The following LATS2 variants were observed in gnomAD, a reference collection of about 807,000 sequenced individuals.
The protein encoded by LATS2 is serine/threonine-protein kinase LATS2.
In LATS2, 24 loss-of-function variants were observed where a neutral mutation model predicts 76.0. The ratio of observed to expected loss-of-function variants is 0.32; its 90% CI spans 0.23 to 0.44. The LOEUF (loss-of-function observed/expected upper bound fraction) is 0.44, where lower values mean the gene tolerates loss of function less well. Among genes scored for constraint, LATS2 ranks in the 20% least tolerant of loss-of-function variants. LATS2 has a pLI of 1.00. For synonymous variants in LATS2, 692 were observed against 635.4 expected (o/e 1.09, Z -1.34); for missense variants, 1,286 against 1,481.2 (o/e 0.87, Z 2.16).
At chr13:20,981,346 T>C (rs1054102346) in intron 6 of LATS2, 120 bp downstream of exon 6, 2 of 908,714 alleles carry the variant, frequency 2.2e-6, no homozygotes, top group Non-Finnish European at 3.3e-6. Flanking sequence ...TTCAGGCTTC[T>C]ATGAGGACAA....
chr13:20,988,567 TGCTGGGC>T lies in LATS2; in HGVS notation c.1206_1212del (p.Pro403GlyfsTer28). Reference sequence around the variant, plus strand: ...TGGTGGCTGTTGAAGGAGTTGGTCCTGCTGGGCACTGGGCAGTCAGGCCGGAAGGCCA... The same window carrying T: ...TGGTGGCTGTTGAAGGAGTTGGTCCTACTGGGCAGTCAGGCCGGAAGGCCA... On this transcript the variant is annotated frameshift_variant, in exon 4 of 8. Transcript: ENST00000382592. LOFTEE classifies it high-confidence loss of function. 1 of 1,586,044 alleles carries T rather than the reference TGCTGGGC, an allele frequency of 6.3e-7. No individual in the cohort carries two copies.
In LATS2 at chr13:20,979,778, G is replaced by A. The variant is rs768066235; in HGVS notation, c.2685C>T (p.Asp895=). The A allele has an allele frequency of 9.3e-6, 15 of 1,609,286 alleles. No homozygotes were observed. The East Asian group carries it at 3.1e-4, about 34-fold the overall frequency. ...LLRKGYTQLC[D]WWSVGVILFE... is the part of the protein sequence containing the mutation. ...AGAGAATCACTCCAACACTCCACCA[G>A]TCACAGAGTTGAGTGTACCCTGCAA... is the stretch of plus-strand genomic sequence containing the variant. The change falls in exon 7 of 8, where the codon GAC becomes GAT. Residue 895 remains aspartate, a synonymous_variant. Transcript: ENST00000382592.
chr13:21,039,025 G>T (rs1179537447), intron 2 of LATS2, among the ~76,000 whole-genome samples: 1 of 152,140 alleles, frequency 6.6e-6, no homozygotes, highest in Non-Finnish European at 1.5e-5. Flanking sequence ...GGGGAGAGGG[G>T]ATTATGACAC....
intron 2 of LATS2, among the ~76,000 whole-genome samples, chr13:21,032,365 T>C (rs931350782): frequency 4.6e-5 from 7 of 152,148 alleles, no homozygotes; most frequent in African/African-American, 1.7e-4. Flanking sequence ...TCCCCCGGGT[T>C]CAAGCAATTC....
intron 1 of LATS2, among the ~76,000 whole-genome samples, chr13:21,051,582 G>A (rs1873276215): frequency 6.6e-6 from 1 of 152,200 alleles, no homozygotes; most frequent in South Asian, 2.1e-4. Context: ...TCTGAGCCAG[G>A]AAACCTCACC....
intron 2 of LATS2, among the ~76,000 whole-genome samples, chr13:21,031,485 T>C (rs1872528439): frequency 6.6e-6 from 1 of 152,216 alleles, no homozygotes; most frequent in South Asian, 2.1e-4. Flanking sequence ...ATGTAGCCAA[T>C]AAAAATTTTT....
chr13:20,984,279 AAAGTT>A lies in LATS2; in HGVS notation c.1900-478_1900-474del, dbSNP rs546857042. 1.3e-3 allele frequency among the ~76,000 whole-genome samples: 191 copies of A among 152,286 alleles called. 1 individual carries two copies. The Middle Eastern group carries it at 0.024, about 19-fold the overall frequency. On this transcript the variant is annotated intron_variant, in intron 4 of 7. Transcript: ENST00000382592. ...ATATATAGACATGAATATGGAATGA[AAAGTT>A]AAGATAAAAAAGAAAGTTCTTTCTC...
intron 1 of LATS2, among the ~76,000 whole-genome samples, chr13:21,058,373 C>T (rs1039923281): frequency 6.6e-6 from 1 of 152,232 alleles, no homozygotes; most frequent in Admixed American, 6.5e-5. Flanking sequence ...CCCCAGCTTC[C>T]CGAAATCCTT....
intron 2 of LATS2, among the ~76,000 whole-genome samples, chr13:20,997,168 G>T (rs186503267): frequency 1.3e-5 from 2 of 152,292 alleles, no homozygotes; most frequent in Non-Finnish European, 2.9e-5. Context: ...ACAAACTGAG[G>T]TTTCACTGGT....
intron 2 of LATS2, among the ~76,000 whole-genome samples, chr13:21,040,376 CAA>C (rs141897751): frequency 4.4e-4 from 48 of 108,606 alleles, no homozygotes; most frequent in Admixed American, 6.7e-4. Flanking sequence ...GACCTTGTCT[CAA>C]AAAAAAAAAA....
At position 20,991,171 on chromosome 13, in the gene LATS2, G is replaced by A; in HGVS notation, c.475+101C>T. The A allele has an allele frequency of 7.1e-7, 1 of 1,406,100 alleles. No homozygotes were observed. Among genetic ancestry groups the A allele is most frequent in the Non-Finnish European group, 9.9e-7 (1 of 1,013,168 alleles). The allele number at this position is 1,406,100 out of a possible 1,614,324, so 87.1% of individuals were successfully genotyped here. On this transcript the variant is annotated intron_variant, in intron 3 of 7. Transcript: ENST00000382592. This position sits in a 1 kb window ranked among gnomAD's most constrained non-coding sequence, Gnocchi z 4.9. ...AATGAGGCAATGTGCCAGGAGACTG[G>A]CTCTGGCCAGGCCAGGCCAGGTTGG...
chr13:21,061,005 G>T (rs1429456055), intron 1 of LATS2, among the ~76,000 whole-genome samples: 1 of 148,148 alleles, frequency 6.8e-6, no homozygotes, highest in Non-Finnish European at 1.5e-5. Context: ...GCCCCGCCGG[G>T]ATCCCGGCCG....
rs532409148 is a variant in LATS2, at chr13:20,988,168, C to T, written c.1612G>A (p.Ala538Thr). The change falls in exon 4 of 8, where the codon GCA becomes ACA. Residue 538 changes from alanine (A) to threonine (T), a missense_variant. Physicochemically the swap from Ala to Thr is moderately conservative, Grantham distance 58. This residue lies in a region of LATS2 where 710 missense variants were observed against 660.9 expected (regional missense o/e 1.07). Coordinates refer to ENST00000382592, the MANE Select transcript of LATS2 (RefSeq NM_014572.3). ...GCACGGAGGCTCTGCTCCATGCCTG[C>T]GCACAGGCTGTCCAGGTCGTACTGC... ...SEQYDLDSLC[A>T]GMEQSLRAGP... 2.5e-6 allele frequency: 4 copies of T among 1,613,884 alleles called. No homozygotes were observed. Among genetic ancestry groups the T allele is most frequent in the South Asian group, 2.2e-5 (2 of 91,066 alleles).
intron 1 of LATS2, among the ~76,000 whole-genome samples, chr13:21,059,735 G>T (rs1873565317): frequency 6.6e-6 from 1 of 152,216 alleles, no homozygotes; most frequent in Non-Finnish European, 1.5e-5. Flanking sequence ...GGAGACGGAG[G>T]CAGGTGGATC....
chr13:21,048,481 G>A (rs971032570), intron 1 of LATS2, among the ~76,000 whole-genome samples: 6 of 152,040 alleles, frequency 3.9e-5, no homozygotes, highest in South Asian at 2.1e-4. Flanking sequence ...ACATTCACTC[G>A]GCCATCTACT....
chr13:21,043,544 T>G (rs1247939030), intron 2 of LATS2, among the ~76,000 whole-genome samples: 1 of 152,172 alleles, frequency 6.6e-6, no homozygotes, highest in East Asian at 1.9e-4. Context: ...CACAGCTGTT[T>G]TAAGTTATAA....
In LATS2 at chr13:20,988,766, G is replaced by A. The variant is rs1307162335; in HGVS notation, c.1014C>T (p.Phe338=). The A allele has an allele frequency of 3.2e-6, 5 of 1,583,792 alleles. No individual in the cohort carries two copies. Among genetic ancestry groups the A allele is most frequent in the African/African-American group, 1.3e-5 (1 of 74,386 alleles). ...LHVLGSRSQV[F]ASDSPPQSLL... ...GGCTCTGCGGGGGGCTGTCGCTGGC[G>A]AACACCTGGCTGCGGGAGCCCAGCA... Residue 338 remains phenylalanine, a synonymous_variant, in exon 4 of 8, where the codon TTC becomes TTT. Transcript: ENST00000382592.
At chr13:20,985,582 T>C (rs1000852154) in intron 4 of LATS2, among the ~76,000 whole-genome samples, 1 of 145,696 alleles carries the variant, frequency 6.9e-6, no homozygotes, top group Non-Finnish European at 1.5e-5. Flanking sequence ...CTACTAAACA[T>C]ACAAAAATTA....
In LATS2 at chr13:20,979,733, C is replaced by T. The variant is rs112601998; in HGVS notation, c.2730G>A (p.Gln910=). ...TGGGAGTAGGTGCCAAAAAGGGCGGCTGCCCCACCAGCATCTCGAAGAGAA... is the reference window on the plus strand; with the variant it reads ...TGGGAGTAGGTGCCAAAAAGGGCGGTTGCCCCACCAGCATCTCGAAGAGAA... ...GVILFEMLVG[Q]PPFLAPTPTE... is the part of the protein sequence containing the mutation. The change falls in exon 7 of 8, where the codon CAG becomes CAA. Residue 910 remains glutamine (Q), a synonymous_variant. Coordinates refer to ENST00000382592, the MANE Select transcript of LATS2 (RefSeq NM_014572.3). 1,950 of 1,612,874 alleles carry T rather than the reference C, an allele frequency of 1.2e-3. 24 individuals carry two copies. In the African/African-American group the frequency reaches 0.022, roughly 18 times the overall value.
Sources: allele counts gnomAD v4.1 joint callset (sites outside exome capture counted in the v4.1 genomes callset), GRCh38; gene constraint gnomAD v4.1.1; regional missense constraint gnomAD v4.1.1; non-coding constraint Gnocchi (gnomAD v3.1); transcripts MANE v1.5; gene names NCBI Gene and HGNC (gene_info 2026-07-23, HGNC 2026-07-21).